The following FAF1 variants were observed in gnomAD, a reference collection of about 807,000 sequenced individuals.
FAF1 encodes the protein Fas associated factor 1.
Under a neutral mutation model 92.5 loss-of-function variants are expected in FAF1, and 25 were observed. The ratio of observed to expected loss-of-function variants is 0.27; its 90% CI spans 0.20 to 0.38. The LOEUF (loss-of-function observed/expected upper bound fraction) is 0.38. Among genes scored for constraint, FAF1 ranks in the 10% least tolerant of loss-of-function variants. The pLI is 1.00. For missense variants in FAF1, 636 were observed against 793.3 expected (o/e 0.80, Z 2.38); for synonymous variants, 234 against 273.2 (o/e 0.86, Z 1.42).
At chr1:50,534,881 C>T (rs1285700994) in intron 15 of FAF1, among the ~76,000 whole-genome samples, 1 of 152,128 alleles carries the variant, frequency 6.6e-6, no homozygotes, top group East Asian at 1.9e-4. Context: ...GTTGAGAAAA[C>T]ACCTGAATAT....
rs199506503 is a variant in FAF1, at chr1:50,779,995, C to G, written c.367+8005G>C. ...GCACACATGCACAGACAGACAGACA[C>G]ACACACACACACACACACACACACA... On this transcript the variant is annotated intron_variant, in intron 4 of 18. Coordinates refer to ENST00000396153, the MANE Select transcript of FAF1 (RefSeq NM_007051.3). Among the ~76,000 whole-genome samples, 43 of 129,924 alleles carry G rather than the reference C, an allele frequency of 3.3e-4. 1 individual carries two copies. Among genetic ancestry groups the G allele is most frequent in the South Asian group, 7.1e-4 (3 of 4,200 alleles). 85.2% of individuals were successfully genotyped at this position (129,924 alleles called of 152,430 possible). A position where few individuals can be genotyped will look rare whatever the true frequency, so the allele number is the denominator to read the frequency against.
rs138100730 is a variant in FAF1, at chr1:50,605,122, TTTTG to T, written c.745-8910_745-8907del. 2.3e-3 allele frequency among the ~76,000 whole-genome samples: 357 copies of T among 152,248 alleles called. 2 individuals are homozygous for T. Among genetic ancestry groups the T allele is most frequent in the South Asian group, 0.013 (61 of 4,822 alleles). ...AGAGGTTGCTCAATATAAAAGGTTT[TTTTG>T]TTTGTTTGTTTTTTTAATCTTCTAG... On this transcript the variant is annotated intron_variant, in intron 8 of 18. Coordinates refer to ENST00000396153, the MANE Select transcript of FAF1 (RefSeq NM_007051.3).
intron 6 of FAF1, among the ~76,000 whole-genome samples, chr1:50,707,103 T>C (rs2124426371): frequency 6.6e-6 from 1 of 150,404 alleles, no homozygotes; most frequent in East Asian, 2.0e-4. Context: ...CTTGGGAGGC[T>C]GAGGCAGAGG....
At chr1:50,879,609 C>T (rs923573823) in intron 1 of FAF1, among the ~76,000 whole-genome samples, 7 of 152,084 alleles carry the variant, frequency 4.6e-5, no homozygotes, top group South Asian at 2.1e-4. Flanking sequence ...CAACTGAAAA[C>T]GGGAAAATAC....
chr1:50,815,652 T>C (rs985272443), intron 2 of FAF1, among the ~76,000 whole-genome samples: 5 of 152,254 alleles, frequency 3.3e-5, no homozygotes, highest in Non-Finnish European at 7.3e-5. Flanking sequence ...TAAACTAATT[T>C]ACATTTCTAC....
intron 7 of FAF1, among the ~76,000 whole-genome samples, chr1:50,679,082 G>A (rs956766814): frequency 1.2e-4 from 18 of 152,164 alleles, no homozygotes; most frequent in African/African-American, 3.4e-4. Context: ...GCGAGACTCC[G>A]TCTCAAAAAA....
intron 1 of FAF1, among the ~76,000 whole-genome samples, chr1:50,873,411 C>T (rs1323881864): frequency 6.6e-6 from 1 of 152,170 alleles, no homozygotes; most frequent in Non-Finnish European, 1.5e-5. Context: ...CCTGAATCTT[C>T]ACGAAAATTT....
intron 15 of FAF1, among the ~76,000 whole-genome samples, chr1:50,493,048 T>C (rs1028963918): frequency 5.9e-5 from 9 of 151,880 alleles, no homozygotes; most frequent in African/African-American, 2.2e-4. Context: ...TTTTTTTTTT[T>C]TTGAGGGGGA....
chr1:50,881,276 G>GATGT (rs1197462161), intron 1 of FAF1, among the ~76,000 whole-genome samples: 2 of 152,174 alleles, frequency 1.3e-5, no homozygotes, highest in Non-Finnish European at 2.9e-5. Context: ...AGGTGGTTGT[G>GATGT]ATGTAGGTGG....
chr1:50,718,366 C>T (rs1658276628), intron 6 of FAF1, among the ~76,000 whole-genome samples: 1 of 152,170 alleles, frequency 6.6e-6, no homozygotes, highest in African/African-American at 2.4e-5. Flanking sequence ...GAACCATGGA[C>T]TTGCTGCATC....
At chr1:50,588,045 C>G (rs536372976) in intron 9 of FAF1, among the ~76,000 whole-genome samples, 46 of 152,184 alleles carry the variant, frequency 3.0e-4, no homozygotes, top group African/African-American at 1.1e-3. Flanking sequence ...CCAGCACTTT[C>G]AGAGGCCGAG....
intron 8 of FAF1, among the ~76,000 whole-genome samples, chr1:50,626,378 T>C (rs899591429): frequency 6.6e-6 from 1 of 152,068 alleles, no homozygotes; most frequent in South Asian, 2.1e-4. Context: ...AAATAAAATA[T>C]AAAATCACAA....
At chr1:50,651,582 G>A (rs1488322407) in intron 8 of FAF1, among the ~76,000 whole-genome samples, 3 of 152,098 alleles carry the variant, frequency 2.0e-5, no homozygotes. Context: ...CTCTACTCTG[G>A]CACTAGGAAG....
chr1:50,805,351 C>T (rs1258475601), intron 2 of FAF1, among the ~76,000 whole-genome samples: 2 of 152,182 alleles, frequency 1.3e-5, no homozygotes, highest in African/African-American at 4.8e-5. Flanking sequence ...CCCCTAAATT[C>T]TGTTTAGCAA....
At chr1:50,441,740 A>T (rs1169350830) in intron 18 of FAF1, among the ~76,000 whole-genome samples, 3 of 152,152 alleles carry the variant, frequency 2.0e-5, no homozygotes, top group African/African-American at 7.2e-5. Context: ...CAAATCTCAT[A>T]GTCAAGTTTG....
At chr1:50,594,458 T>G (rs1401324234) in intron 9 of FAF1, among the ~76,000 whole-genome samples, 4 of 152,174 alleles carry the variant, frequency 2.6e-5, no homozygotes, top group African/African-American at 9.7e-5. Flanking sequence ...TTAAATAAGT[T>G]AAAACATCCA....
chr1:50,860,245 A>C (rs1450871849), intron 1 of FAF1, among the ~76,000 whole-genome samples: 1 of 151,990 alleles, frequency 6.6e-6, no homozygotes, highest in African/African-American at 2.4e-5. Context: ...CAAAACCAAA[A>C]TTGACAAGTT....
intron 2 of FAF1, among the ~76,000 whole-genome samples, chr1:50,815,496 G>A (rs1643960206): frequency 6.6e-6 from 1 of 152,004 alleles, no homozygotes; most frequent in Non-Finnish European, 1.5e-5. Flanking sequence ...CCATGTCTTC[G>A]CTATGGTGAA....
intron 12 of FAF1, among the ~76,000 whole-genome samples, chr1:50,574,011 C>A (rs563279669): frequency 6.6e-6 from 1 of 152,070 alleles, no homozygotes; most frequent in Non-Finnish European, 1.5e-5. Flanking sequence ...CGCCTGTAAT[C>A]CCAGCTACTT....
Sources: gnomAD v4.1 joint callset for allele counts (sites outside exome capture counted in the v4.1 genomes callset) on GRCh38, gnomAD v4.1.1 for gene constraint, MANE v1.5 for transcripts, NCBI Gene and HGNC (gene_info 2026-07-23, HGNC 2026-07-21) for gene names.